The following KIF25 variants were observed in gnomAD, a reference collection of about 807,000 sequenced individuals.
KIF25 encodes kinesin-like protein KIF25.
Under a neutral mutation model 32.9 loss-of-function variants are expected in KIF25, and 19 were observed. That is an observed-to-expected ratio of 0.58 (90% CI 0.40 to 0.85). KIF25 has a LOEUF of 0.85. KIF25 is among the 40% of genes least tolerant of loss of function. The pLI is 0.00. For synonymous variants in KIF25, 225 were observed against 213.7 expected, an observed-to-expected ratio of 1.05 and a Z score of -0.46; for missense variants, 485 against 507.0, an observed-to-expected ratio of 0.96 and a Z score of 0.42.
At chr6:168,038,481 G>T (rs1018325944) in intron 8 of KIF25, 72 bp from the exon 9 acceptor site, 2 of 1,497,338 alleles carry the variant, frequency 1.3e-6, no homozygotes, top group Non-Finnish European at 1.8e-6. Context: ...GGCGTCTGGG[G>T]CTATGATTGG....
chr6:168,018,726 C>T (rs534291621), intron 5 of KIF25, among the ~76,000 whole-genome samples: 2 of 152,330 alleles, frequency 1.3e-5, no homozygotes, highest in Non-Finnish European at 2.9e-5. Flanking sequence ...GCTCATCCTC[C>T]TTCAGCTACC....
chr6:168,042,068 T>G lies in KIF25; in HGVS notation c.746T>G (p.Leu249Arg). The change falls in exon 11 of 13, where the codon CTG becomes CGG. Residue 249 changes from leucine to arginine, a missense_variant. Leu to Arg is a moderately radical substitution (Grantham distance 102). Around this residue, in one of 2 missense-constraint regions of KIF25, gnomAD observed 480 missense variants for 470.3 expected, o/e 1.02. Coordinates refer to ENST00000643607, the MANE Select transcript of KIF25 (RefSeq NM_030615.4). ...TCTCAAGGGGCCTTGGCTCCACAGC[T>G]GGTTCCTGGGAACCCCGCAGGGCAT... Reference protein sequence around the residue: ...RASQGALAPQLVPGNPAGHAE... With the variant: ...RASQGALAPQRVPGNPAGHAE... 6.4e-7 allele frequency: 1 copy of G among 1,551,394 alleles called. No individual in the cohort carries two copies. Among genetic ancestry groups the G allele is most frequent in the Non-Finnish European group, 8.7e-7 (1 of 1,147,276 alleles).
intron 2 of KIF25, among the ~76,000 whole-genome samples, chr6:168,002,119 G>A (rs1179817437): frequency 1.7e-4 from 7 of 40,916 alleles, no homozygotes; most frequent in South Asian, 2.7e-3. Flanking sequence ...CACCTGAGGC[G>A]TGGCCTCGGG....
intron 5 of KIF25, among the ~76,000 whole-genome samples, chr6:168,027,679 A>G (rs1292120072): frequency 6.6e-6 from 1 of 152,090 alleles, no homozygotes; most frequent in Non-Finnish European, 1.5e-5. Context: ...TCCTCCCCGG[A>G]CAGCCGCGTG....
intron 8 of KIF25, chr6:168,036,265 TG>T (rs148177460): frequency 0.077 from 11,825 of 153,994 alleles, 640 homozygotes; most frequent in East Asian, 0.22. Context: ...TTTCTCCACC[TG>T]CTACACACTG....
intron 12 of KIF25, among the ~76,000 whole-genome samples, chr6:168,043,234 C>T (rs1038061946): frequency 6.6e-6 from 1 of 152,164 alleles, no homozygotes; most frequent in Non-Finnish European, 1.5e-5. Flanking sequence ...CAGTTAGTGC[C>T]CCCTCCCCCG....
intron 4 of KIF25, among the ~76,000 whole-genome samples, chr6:168,004,243 G>A (rs897637249): frequency 6.6e-6 from 1 of 152,202 alleles, no homozygotes; most frequent in Non-Finnish European, 1.5e-5. Context: ...GGGCACTTGG[G>A]GAGCTGAACA....
rs547501071 is a variant in KIF25 at position 168,015,269 on chromosome 6, C to T, written c.-162-2704C>T. On this transcript the variant is annotated intron_variant, in intron 4 of 12. Coordinates refer to ENST00000643607, the MANE Select transcript of KIF25 (RefSeq NM_030615.4). The stretch of plus-strand genomic sequence containing the variant: ...CCTGACTCTGTCTGCATGTTGCTCA[C>T]GGGTCTCCTCTTCCTCTCAGGTTTC... Among the ~76,000 whole-genome samples, 15 of 152,240 alleles carry T rather than the reference C, an allele frequency of 9.9e-5. No homozygotes were observed. The South Asian group carries it at 1.5e-3, about 15-fold the overall frequency.
In KIF25 at chr6:168,041,972, A is replaced by C. The variant is rs1583147758; in HGVS notation, c.650A>C (p.Asp217Ala). ...TTASCSDSTA[D>A]QACSATLPRE... ...GTCGCTCCTTGGTCCCTTGCAGCAG[A>C]CCAAGCCTGCAGTGCCACCCTCCCC... Residue 217 changes from aspartate to alanine, a missense_variant, in exon 11 of 13, where the codon GAC (aspartate) becomes GCC (alanine). Physicochemically the swap from Asp to Ala is moderately radical, Grantham distance 126. Transcript: ENST00000643607. The C allele has an allele frequency of 1.9e-6, 3 of 1,551,410 alleles. No individual in the cohort carries two copies. The highest frequency in any genetic ancestry group is 2.6e-6 in the Non-Finnish European group (3 of 1,147,064).
intron 4 of KIF25, among the ~76,000 whole-genome samples, chr6:168,010,343 A>G (rs1481493022): frequency 1.3e-5 from 2 of 151,978 alleles, no homozygotes; most frequent in African/African-American, 4.8e-5. Flanking sequence ...AATTTGTTTC[A>G]GAGAATTTTA....
chr6:168,025,223 G>A (rs2114891611), intron 5 of KIF25, among the ~76,000 whole-genome samples: 1 of 152,314 alleles, frequency 6.6e-6, no homozygotes, highest in Non-Finnish European at 1.5e-5. Flanking sequence ...CACTGATGAA[G>A]GACCTGGGGG....
intron 8 of KIF25, among the ~76,000 whole-genome samples, chr6:168,035,535 G>A (rs1799011100): frequency 6.6e-6 from 1 of 150,620 alleles, no homozygotes; most frequent in Admixed American, 6.6e-5. Flanking sequence ...AGCTGAGGCA[G>A]CACTGGGAAG....
intron 2 of KIF25, among the ~76,000 whole-genome samples, chr6:168,000,309 A>C (rs1583120986): frequency 1.3e-5 from 1 of 75,208 alleles, no homozygotes; most frequent in Non-Finnish European, 2.6e-5. Context: ...CATCCTGACC[A>C]CACCTGCCCC....
intron 4 of KIF25, among the ~76,000 whole-genome samples, chr6:168,004,830 G>A (rs544701550): frequency 5.9e-5 from 9 of 152,218 alleles, no homozygotes; most frequent in Non-Finnish European, 1.3e-4. Flanking sequence ...GAGACATGAT[G>A]TCCCGAGGTG....
intron 5 of KIF25, among the ~76,000 whole-genome samples, chr6:168,028,034 T>C (rs6455476): frequency 0.33 from 50,825 of 151,778 alleles, 9,055 homozygotes; most frequent in East Asian, 0.58. Flanking sequence ...AGAACCCCCC[T>C]GTGGACTCTG....
chr6:168,002,103 GA>G (rs1269077168), intron 2 of KIF25, among the ~76,000 whole-genome samples: 6,783 of 44,910 alleles, frequency 0.15, 273 homozygotes, highest in Non-Finnish European at 0.17. Flanking sequence ...GGGCAGGTGA[GA>G]AAGACACCTG....
intron 4 of KIF25, among the ~76,000 whole-genome samples, chr6:168,007,110 A>G (rs1477640012): frequency 3.3e-5 from 5 of 152,214 alleles, no homozygotes; most frequent in Admixed American, 3.3e-4. Context: ...TGGATGACAC[A>G]TGTGGTAATC....
At chr6:168,043,899 CAGG>C (rs1349747976) in intron 12 of KIF25, among the ~76,000 whole-genome samples, 6 of 152,226 alleles carry the variant, frequency 3.9e-5, no homozygotes, top group Admixed American at 6.5e-5. Context: ...CAGCATTCCT[CAGG>C]AGGAGAAGTC....
At chr6:168,035,840 C>T in intron 8 of KIF25, 1 of 446,466 alleles carries the variant, frequency 2.2e-6, no homozygotes, top group Non-Finnish European at 4.6e-6. Flanking sequence ...TCTCCCTACA[C>T]CTCACCTTCG....
Sources: gnomAD v4.1 joint callset for allele counts (sites outside exome capture counted in the v4.1 genomes callset) on GRCh38, gnomAD v4.1.1 for gene constraint, gnomAD v4.1.1 regional missense constraint, MANE v1.5 for transcripts, NCBI Gene and HGNC (gene_info 2026-07-23, HGNC 2026-07-21) for gene names.